The following PPP2R2B variants were observed in gnomAD, a reference collection of about 807,000 sequenced individuals.
PPP2R2B encodes the protein serine/threonine-protein phosphatase 2A 55 kDa regulatory subunit B beta isoform.
In PPP2R2B, 5 loss-of-function variants were observed where a neutral mutation model predicts 46.0. The observed-to-expected ratio is 0.11, with a 90% CI of 0.06 to 0.23. The LOEUF is 0.23. PPP2R2B is among the 10% of genes least tolerant of loss of function. The probability of loss-of-function intolerance (pLI) is 1.00; values close to 1 mark genes in which losing one functional copy is unlikely to be tolerated. For synonymous variants in PPP2R2B, 215 were observed against 206.7 expected (o/e 1.04, Z -0.34); for missense variants, 367 against 575.0 (o/e 0.64, Z 3.70).
intron 2 of PPP2R2B, among the ~76,000 whole-genome samples, chr5:146,759,677 A>T (rs1338093675): frequency 6.6e-6 from 1 of 151,722 alleles, no homozygotes; most frequent in African/African-American, 2.4e-5. Flanking sequence ...CTTCATCTAT[A>T]CACACCCTAT....
chr5:146,646,585 C>T (rs940164869), intron 6 of PPP2R2B, among the ~76,000 whole-genome samples: 1 of 152,096 alleles, frequency 6.6e-6, no homozygotes, highest in African/African-American at 2.4e-5. Context: ...TGATCTGGTG[C>T]TAAACACAAG....
chr5:146,676,029 G>T (rs1045117783), intron 5 of PPP2R2B, among the ~76,000 whole-genome samples: 7 of 152,118 alleles, frequency 4.6e-5, no homozygotes, highest in African/African-American at 1.7e-4. Flanking sequence ...ATTCACCTTG[G>T]AGGGAGGACG....
At chr5:146,915,442 C>T (rs567481547) in intron 1 of PPP2R2B, among the ~76,000 whole-genome samples, 3 of 140,888 alleles carry the variant, frequency 2.1e-5, no homozygotes, top group East Asian at 4.3e-4. Flanking sequence ...GTCATTCTAC[C>T]TATGTACACA....
chr5:146,721,305 G>A (rs1323699821), intron 2 of PPP2R2B, among the ~76,000 whole-genome samples: 1 of 152,122 alleles, frequency 6.6e-6, no homozygotes, highest in African/African-American at 2.4e-5. Flanking sequence ...CAGTGCTATA[G>A]CAGGAAAATT....
chr5:146,773,445 A>C (rs992724253), intron 2 of PPP2R2B, among the ~76,000 whole-genome samples: 2 of 152,236 alleles, frequency 1.3e-5, no homozygotes, highest in Admixed American at 6.5e-5. Flanking sequence ...GATTTGAATT[A>C]AAGCAGTGGA....
intron 2 of PPP2R2B, among the ~76,000 whole-genome samples, chr5:146,859,537 A>G (rs1760862166): frequency 6.6e-6 from 1 of 152,236 alleles, no homozygotes; most frequent in Non-Finnish European, 1.5e-5. Context: ...AATAATGTGC[A>G]TGTTGCAAAC....
chr5:146,879,447 GA>G (rs1247517399), upstream of PPP2R2B, among the ~76,000 whole-genome samples: 2 of 152,102 alleles, frequency 1.3e-5, no homozygotes, highest in African/African-American at 4.8e-5. Context: ...CTTCGTTTTG[GA>G]CAAATTATTG....
chr5:146,912,069 C>T (rs186993204), intron 1 of PPP2R2B, among the ~76,000 whole-genome samples: 2 of 152,070 alleles, frequency 1.3e-5, no homozygotes, highest in Admixed American at 1.3e-4. Context: ...GAAACCCTGT[C>T]TCTACTAAAA....
At chr5:146,732,391 G>GT (rs1012135441) in intron 2 of PPP2R2B, among the ~76,000 whole-genome samples, 10 of 152,120 alleles carry the variant, frequency 6.6e-5, no homozygotes, top group African/African-American at 2.2e-4. Flanking sequence ...AGAAACTACG[G>GT]TTTTTCCACA....
intron 1 of PPP2R2B, among the ~76,000 whole-genome samples, chr5:146,991,964 T>G (rs778902608): frequency 6.6e-6 from 1 of 152,058 alleles, no homozygotes; most frequent in South Asian, 2.1e-4. Flanking sequence ...ATCTACAGAG[T>G]CCATGGAATC....
chr5:146,833,570 T>C (rs966204316), intron 2 of PPP2R2B, among the ~76,000 whole-genome samples: 5 of 152,230 alleles, frequency 3.3e-5, no homozygotes, highest in Non-Finnish European at 1.5e-5. Flanking sequence ...ATTCCGTGGT[T>C]ATGAAATCTT....
intron 5 of PPP2R2B, among the ~76,000 whole-genome samples, chr5:146,664,477 A>G (rs565342961): frequency 6.6e-6 from 1 of 152,004 alleles, no homozygotes; most frequent in East Asian, 1.9e-4. Context: ...ATGAGGCTGC[A>G]GCAATTAAGA....
intron 6 of PPP2R2B, among the ~76,000 whole-genome samples, chr5:146,647,056 A>G (rs1403846863): frequency 1.3e-5 from 2 of 152,200 alleles, no homozygotes; most frequent in African/African-American, 4.8e-5. Context: ...CCAAAGTCAC[A>G]CCAAATGCCA....
intron 1 of PPP2R2B, among the ~76,000 whole-genome samples, chr5:146,974,781 C>T (rs13158389): frequency 0.48 from 71,644 of 150,454 alleles, 18,411 homozygotes; most frequent in Middle Eastern, 0.59. Context: ...GCTCCGCCTA[C>T]GGGTTCACGC....
chr5:146,894,618 T>G (rs1035005381), intron 1 of PPP2R2B, among the ~76,000 whole-genome samples: 1 of 152,150 alleles, frequency 6.6e-6, no homozygotes, highest in Non-Finnish European at 1.5e-5. Context: ...TTTTGTGTTT[T>G]TAGTAGAAAC....
chr5:146,947,052 G>A (rs1322798979), intron 1 of PPP2R2B, among the ~76,000 whole-genome samples: 5 of 85,048 alleles, frequency 5.9e-5, no homozygotes, highest in Non-Finnish European at 9.8e-5. Flanking sequence ...CAGCCCCAAG[G>A]AACCAGAGAT....
At chr5:146,730,416 G>T (rs1752155709) in intron 2 of PPP2R2B, among the ~76,000 whole-genome samples, 1 of 152,142 alleles carries the variant, frequency 6.6e-6, no homozygotes, top group Non-Finnish European at 1.5e-5. Context: ...GACTTTGGGG[G>T]ACTACTGGGG....
chr5:146,963,455 C>A (rs554039359), intron 1 of PPP2R2B, among the ~76,000 whole-genome samples: 1 of 152,294 alleles, frequency 6.6e-6, no homozygotes, highest in African/African-American at 2.4e-5. Flanking sequence ...TGGCTCCTAC[C>A]TGAACTTCCA....
At chr5:146,940,501 T>C (rs1366306877) in intron 1 of PPP2R2B, among the ~76,000 whole-genome samples, 1 of 144,186 alleles carries the variant, frequency 6.9e-6, no homozygotes, top group Non-Finnish European at 1.5e-5. Flanking sequence ...TGGAAGAACA[T>C]TTGCTAGGGG....
Sources: allele counts gnomAD v4.1 joint callset (sites outside exome capture counted in the v4.1 genomes callset), GRCh38; gene constraint gnomAD v4.1.1; transcripts MANE v1.5; gene names NCBI Gene and HGNC (gene_info 2026-07-23, HGNC 2026-07-21).